KCNS3: variants seen among roughly 807,000 people sequenced by gnomAD.
KCNS3 encodes delayed-rectifier potassium channel regulatory subunit KCNS3.
Under a neutral mutation model 31.0 loss-of-function variants are expected in KCNS3, and 13 were observed. The ratio of observed to expected loss-of-function variants is 0.42; its 90% confidence interval spans 0.27 to 0.67. The LOEUF (loss-of-function observed/expected upper bound fraction) is 0.67. Ranked by LOEUF, KCNS3 falls within the 30% of genes least tolerant of loss-of-function variation. KCNS3 has a pLI of 0.25. For synonymous variants in KCNS3, 238 were observed against 241.5 expected (o/e 0.99, Z 0.13); for missense variants, 545 against 622.4 (o/e 0.88, Z 1.32).
intron 2 of KCNS3, among the ~76,000 whole-genome samples, chr2:17,921,759 AG>A (rs1166753210): frequency 6.6e-6 from 1 of 151,522 alleles, no homozygotes; most frequent in African/African-American, 2.4e-5. Context: ...GAAAAAAGCA[AG>A]GGGAAGTCTG....
intron 2 of KCNS3, among the ~76,000 whole-genome samples, chr2:17,924,762 G>A (rs1662797301): frequency 6.6e-6 from 1 of 152,096 alleles, no homozygotes; most frequent in Non-Finnish European, 1.5e-5. Context: ...CTGATGTTTT[G>A]TTGAGGATTT....
chr2:17,923,843 A>G (rs2125252217), intron 2 of KCNS3, among the ~76,000 whole-genome samples: 1 of 151,994 alleles, frequency 6.6e-6, no homozygotes, highest in East Asian at 2.0e-4. Context: ...GTCAAGAATC[A>G]ATTTGTCAAT....
At chr2:17,905,088 A>T (rs1662283538) in intron 1 of KCNS3, among the ~76,000 whole-genome samples, 1 of 152,216 alleles carries the variant, frequency 6.6e-6, no homozygotes, top group Non-Finnish European at 1.5e-5. Context: ...CTTCCTATCC[A>T]TGAGCATGGA....
At chr2:17,914,740 G>T (rs1306090812) in intron 1 of KCNS3, among the ~76,000 whole-genome samples, 1 of 152,154 alleles carries the variant, frequency 6.6e-6, no homozygotes, top group East Asian at 1.9e-4. Context: ...TGGCACTGAT[G>T]TGACAACATT....
intron 1 of KCNS3, among the ~76,000 whole-genome samples, chr2:17,902,334 CTGTGTGTGTGTGTGTG>C (rs61498649): frequency 0.32 from 47,587 of 149,590 alleles, 8,056 homozygotes; most frequent in African/African-American, 0.41. Context: ...GGTTGGGAGA[CTGTGTGTGTGTGTGTG>C]TGTGTGTGTG....
At chr2:17,926,607 T>C (rs1662843479) in intron 2 of KCNS3, among the ~76,000 whole-genome samples, 1 of 152,256 alleles carries the variant, frequency 6.6e-6, no homozygotes, top group Non-Finnish European at 1.5e-5. Flanking sequence ...GGATTGGGGC[T>C]TGCGCCATCT....
intron 1 of KCNS3, among the ~76,000 whole-genome samples, chr2:17,898,326 G>A (rs538370535): frequency 7.4e-6 from 1 of 135,358 alleles, no homozygotes; most frequent in Non-Finnish European, 1.6e-5. Flanking sequence ...AAGTAGTTTT[G>A]TCTAATTCTT....
intron 1 of KCNS3, among the ~76,000 whole-genome samples, chr2:17,879,102 G>C (rs747622095): frequency 6.4e-4 from 97 of 152,330 alleles, no homozygotes; most frequent in Non-Finnish European, 1.1e-3. Flanking sequence ...TGAAAGCCTC[G>C]GGGAAGGTAT....
upstream of KCNS3, among the ~76,000 whole-genome samples, chr2:17,878,265 C>T (rs987787708): frequency 1.3e-5 from 2 of 152,098 alleles, no homozygotes; most frequent in African/African-American, 4.8e-5. Flanking sequence ...TTGCCCCAGC[C>T]GCCGGGGCCG....
chr2:17,904,874 A>C (rs1453615838), intron 1 of KCNS3, among the ~76,000 whole-genome samples: 1 of 152,136 alleles, frequency 6.6e-6, no homozygotes. Flanking sequence ...CTTGTAGTAT[A>C]GTTTGAAGTC....
chr2:17,908,460 C>T (rs946120955), intron 1 of KCNS3, among the ~76,000 whole-genome samples: 8 of 152,224 alleles, frequency 5.3e-5, no homozygotes, highest in African/African-American at 1.9e-4. Context: ...TTTCTCAACT[C>T]GTCAAAGACA....
intron 1 of KCNS3, among the ~76,000 whole-genome samples, chr2:17,905,924 T>G (rs1172170630): frequency 6.6e-6 from 1 of 152,184 alleles, no homozygotes; most frequent in Admixed American, 6.5e-5. Context: ...AAAATTCTCT[T>G]TTTTTGTTGT....
rs181687551 is a variant in KCNS3, at chr2:17,905,963, A to T, written c.-251-11717A>T. Among the ~76,000 whole-genome samples, 269 of 152,242 alleles carry T rather than the reference A, an allele frequency of 1.8e-3. 2 individuals carry two copies. The highest frequency in any genetic ancestry group is 6.1e-3 in the African/African-American group (255 of 41,518). ...TCTGCCAGGCTTTGGTATCATGATG[A>T]TGCTGGCCTGATAAGATGAGTTAGG... On this transcript the variant is annotated intron_variant, in intron 1 of 2. Coordinates refer to ENST00000304101, the MANE Select transcript of KCNS3 (RefSeq NM_002252.5).
At chr2:17,928,792 CT>C (rs1662892134) in intron 2 of KCNS3, among the ~76,000 whole-genome samples, 1 of 152,064 alleles carries the variant, frequency 6.6e-6, no homozygotes, top group Non-Finnish European at 1.5e-5. Context: ...TGTCTGCCCA[CT>C]TTTACAGACT....
In KCNS3 at chr2:17,931,574, T is replaced by C; in HGVS notation, c.566T>C (p.Ile189Thr). The change falls in exon 3 of 3, where the codon ATC becomes ACC. Residue 189 changes from isoleucine to threonine, a missense_variant. Transcript: ENST00000304101. This position sits in a 1 kb window ranked among gnomAD's most constrained non-coding sequence, Gnocchi z 5.4. ...AYCLSAKLIA[I>T]SSLSVVLASI... ...TGCCTGTCCGCTAAGCTTATCGCTATCTCCTCCTTGAGCGTGGTGCTGGCC... is the reference window on the plus strand; with the variant it reads ...TGCCTGTCCGCTAAGCTTATCGCTACCTCCTCCTTGAGCGTGGTGCTGGCC... The C allele has an allele frequency of 1.9e-6, 3 of 1,614,164 alleles. No homozygotes were observed. The highest frequency in any genetic ancestry group is 2.2e-5 in the East Asian group (1 of 44,868).
At chr2:17,909,238 G>T (rs540832926) in intron 1 of KCNS3, among the ~76,000 whole-genome samples, 34 of 152,336 alleles carry the variant, frequency 2.2e-4, no homozygotes, top group Non-Finnish European at 4.4e-4. Flanking sequence ...AGGCTCCGTG[G>T]GCGTGGGACC....
intron 2 of KCNS3, among the ~76,000 whole-genome samples, chr2:17,920,109 A>T (rs1662677840): frequency 6.6e-6 from 1 of 152,240 alleles, no homozygotes; most frequent in Admixed American, 6.5e-5. Context: ...AGAATGTTCC[A>T]AAAAGAAGGC....
At chr2:17,921,575 G>A (rs1662703411) in intron 2 of KCNS3, among the ~76,000 whole-genome samples, 1 of 151,922 alleles carries the variant, frequency 6.6e-6, no homozygotes, top group Non-Finnish European at 1.5e-5. Context: ...AGGTTTAATT[G>A]ATTAAGAGTT....
chr2:17,900,528 C>T (rs1478712440), intron 1 of KCNS3, among the ~76,000 whole-genome samples: 5 of 151,984 alleles, frequency 3.3e-5, no homozygotes, highest in Non-Finnish European at 5.9e-5. Flanking sequence ...CTCGCTGTGT[C>T]GCCCAGGCTG....
Sources: allele counts gnomAD v4.1 joint callset (sites outside exome capture counted in the v4.1 genomes callset), GRCh38; gene constraint gnomAD v4.1.1; non-coding constraint Gnocchi (gnomAD v3.1); transcripts MANE v1.5; gene names NCBI Gene and HGNC (gene_info 2026-07-23, HGNC 2026-07-21).